Variants in RAB40A observed in about 807,000 individuals in gnomAD.
The protein encoded by RAB40A is ras-related protein Rab-40A.
For synonymous variants in RAB40A, 65 were observed against 99.9 expected (o/e 0.65, Z 2.08); for missense variants, 145 against 230.2 (o/e 0.63, Z 2.40).
In RAB40A at chrX:103,500,371, T is replaced by A. The variant is rs761009017; in HGVS notation, c.386A>T (p.His129Leu). The A allele has an allele frequency of 6.6e-5, 80 of 1,209,587 alleles. 1 individual carries two copies. The African/African-American group carries it at 1.3e-3, about 20-fold the overall frequency. ...VPKILVGNRL[H>L]LAFKRQVPRE... Reference sequence around the variant, plus strand: ...GGGCACCTGCCTCTTGAATGCCAGATGTAGGCGATTCCCCACCAGGATTTT... The same window carrying A: ...GGGCACCTGCCTCTTGAATGCCAGAAGTAGGCGATTCCCCACCAGGATTTT... The change falls in exon 3 of 3, where the codon CAT (histidine) becomes CTT (leucine). Residue 129 changes from histidine (H) to leucine (L), a missense_variant. By Grantham distance (99) the His-to-Leu change is moderately conservative. Coordinates refer to ENST00000304236, the MANE Select transcript of RAB40A (RefSeq NM_080879.3).
intron 2 of RAB40A, among the ~76,000 whole-genome samples, chrX:103,512,612 C>T (rs960985513): frequency 2.7e-5 from 3 of 111,573 alleles, no homozygotes; most frequent in African/African-American, 9.8e-5. Context: ...ATTTCATACC[C>T]GGATTGACTA....
intron 2 of RAB40A, among the ~76,000 whole-genome samples, chrX:103,515,244 C>A (rs1203690764): frequency 8.9e-6 from 1 of 112,065 alleles, no homozygotes; most frequent in Non-Finnish European, 1.9e-5. Context: ...GGGGTTGAAA[C>A]AAAGGTTTCT....
downstream of RAB40A, among the ~76,000 whole-genome samples, chrX:103,497,352 G>A (rs1302739381): frequency 1.8e-5 from 2 of 110,625 alleles, no homozygotes; most frequent in Non-Finnish European, 3.8e-5. Context: ...TGGATAGATG[G>A]ATGGATGGAT....
intron 2 of RAB40A, chrX:103,501,358 C>T (rs1229541425): frequency 8.0e-6 from 1 of 124,327 alleles, no homozygotes; most frequent in Non-Finnish European, 1.9e-5. Flanking sequence ...ACCCTTTCTA[C>T]TCTGTGGCCA....
At chrX:103,511,502 CA>C (rs770729633) in intron 2 of RAB40A, among the ~76,000 whole-genome samples, 39 of 79,218 alleles carry the variant, frequency 4.9e-4, no homozygotes, top group Non-Finnish European at 7.3e-4. Flanking sequence ...GACTCCGTCT[CA>C]AAAAAAAAGA....
chrX:103,508,263 C>A (rs913447169), intron 2 of RAB40A, among the ~76,000 whole-genome samples: 1 of 111,317 alleles, frequency 9.0e-6, no homozygotes, highest in Non-Finnish European at 1.9e-5. Context: ...GGAATCTGAC[C>A]ATTTCTCAAG....
chrX:103,493,845 T>C, the RAB40A span, among the ~76,000 whole-genome samples: 1 of 112,544 alleles, frequency 8.9e-6, no homozygotes, highest in African/African-American at 3.2e-5. Flanking sequence ...TGATGGACAC[T>C]TAAGTTGCTT....
chrX:103,497,663 C>T (rs2073187408), downstream of RAB40A: 1 of 112,038 alleles, frequency 8.9e-6, no homozygotes, highest in Non-Finnish European at 1.9e-5. Flanking sequence ...GGATTACAGC[C>T]TGCTCAGAAG....
At position 103,500,089 on chromosome X, in the gene RAB40A, T is replaced by C. The variant is rs1169195385; in HGVS notation, c.668A>G (p.Lys223Arg). ...PLPSTLRSHL[K>R]SFSMAKGLNA... ...CAGGCCCTTAGCCATGGAGAAGGACTTGAGGTGGCTTCTTAAGGTACTGGG... is the reference window on the plus strand; with the variant it reads ...CAGGCCCTTAGCCATGGAGAAGGACCTGAGGTGGCTTCTTAAGGTACTGGG... The change falls in exon 3 of 3, where the codon AAG becomes AGG. Residue 223 changes from lysine (K) to arginine (R), a missense_variant. Lys to Arg is a conservative substitution (Grantham distance 26, BLOSUM62 2). Coordinates refer to ENST00000304236, the MANE Select transcript of RAB40A (RefSeq NM_080879.3). 1 of 1,210,514 alleles carries C rather than the reference T, an allele frequency of 8.3e-7. No homozygotes were observed. Among genetic ancestry groups the C allele is most frequent in the East Asian group, 3.0e-5 (1 of 33,756 alleles).
chrX:103,518,991 T>C (rs1048809610), intron 1 of RAB40A, among the ~76,000 whole-genome samples: 11 of 111,384 alleles, frequency 9.9e-5, no homozygotes, highest in Admixed American at 1.9e-4. Context: ...GAAAAAGGGA[T>C]GGGAAATTTT....
the RAB40A span, among the ~76,000 whole-genome samples, chrX:103,493,307 C>T: frequency 9.0e-6 from 1 of 111,043 alleles, no homozygotes. Flanking sequence ...TTTGTGGGTA[C>T]ATAATAGGCA....
intron 2 of RAB40A, among the ~76,000 whole-genome samples, chrX:103,507,201 G>A (rs1014987122): frequency 1.1e-4 from 12 of 111,344 alleles, no homozygotes; most frequent in Non-Finnish European, 2.3e-4. Context: ...CATGTCCCTG[G>A]AAAGGACATA....
intron 2 of RAB40A, among the ~76,000 whole-genome samples, chrX:103,510,920 C>T (rs1453793126): frequency 8.9e-6 from 1 of 111,886 alleles, no homozygotes; most frequent in African/African-American, 3.3e-5. Context: ...TTCCCACTCA[C>T]ACTGATAATT....
intron 1 of RAB40A, among the ~76,000 whole-genome samples, chrX:103,518,105 T>C (rs1344351558): frequency 2.7e-5 from 3 of 111,877 alleles, no homozygotes; most frequent in Non-Finnish European, 5.6e-5. Context: ...TGTTGGACAG[T>C]TGAGACATAG....
chrX:103,499,813 G>A lies in RAB40A; in HGVS notation c.*110C>T, dbSNP rs2073211277. ...CACATTCCCAAGCAGCATGGTTCCC[G>A]TGAGAAACTGAAAACTAATTTCTTG... On this transcript the variant is annotated 3_prime_UTR_variant, in exon 3 of 3. Coordinates refer to ENST00000304236, the MANE Select transcript of RAB40A (RefSeq NM_080879.3). 6 of 932,029 alleles carry A rather than the reference G, an allele frequency of 6.4e-6. No individual in the cohort carries two copies. Among genetic ancestry groups the A allele is most frequent in the East Asian group, 6.3e-5 (2 of 31,731 alleles). The allele number at this position is 932,029 out of a possible 1,213,427, so 76.8% of individuals were successfully genotyped here.
rs1324389801 is a variant in RAB40A, at chrX:103,499,951, CA to C, written c.805del (p.Cys269AlafsTer87). 3 of 1,200,192 alleles carry C rather than the reference CA, an allele frequency of 2.5e-6. No homozygotes were observed. In the East Asian group the frequency reaches 8.9e-5, roughly 36 times the overall value. ...VCPPQSPPKNCTRNSCKIS is the reference protein window; with the variant it reads ...VCPPQSPPKNXTRNSCKIS Reference sequence around the variant, plus strand: ...AGAAATTTTGCAGCTGTTTCTGGTGCAGTTTTTGGGTGGGCTCTGGGGTGGG... The same window carrying C: ...AGAAATTTTGCAGCTGTTTCTGGTGCGTTTTTGGGTGGGCTCTGGGGTGGG... On this transcript the variant is annotated frameshift_variant, in exon 3 of 3. Transcript: ENST00000304236. LOFTEE classifies it high-confidence loss of function.
intron 2 of RAB40A, among the ~76,000 whole-genome samples, chrX:103,511,376 G>A (rs777422462): frequency 3.6e-5 from 4 of 109,834 alleles, no homozygotes; most frequent in African/African-American, 1.0e-4. Flanking sequence ...GGTGGTGGGC[G>A]CCTGTAGTCC....
At chrX:103,493,496 CT>C in the RAB40A span, among the ~76,000 whole-genome samples, 1 of 111,226 alleles carries the variant, frequency 9.0e-6, no homozygotes, top group African/African-American at 3.3e-5. Context: ...TATTGTCCCC[CT>C]GTTGTGCTAC....
the RAB40A span, among the ~76,000 whole-genome samples, chrX:103,493,782 G>A: frequency 8.9e-6 from 1 of 112,223 alleles, no homozygotes; most frequent in East Asian, 2.8e-4. Context: ...CTTGATGGCT[G>A]ACTAGTACTC....
Sources: allele counts gnomAD v4.1 joint callset (sites outside exome capture counted in the v4.1 genomes callset), GRCh38; gene constraint gnomAD v4.1.1; transcripts MANE v1.5; gene names NCBI Gene and HGNC (gene_info 2026-07-23, HGNC 2026-07-21).